Variants in SLC38A1 observed in about 807,000 individuals in gnomAD.
The protein encoded by SLC38A1 is solute carrier family 38 member 1, also known as sodium-coupled neutral amino acid symporter 1.
A neutral mutation model predicts 60.3 loss-of-function variants in SLC38A1; 18 were observed. The ratio of observed to expected loss-of-function variants is 0.30; its 90% CI spans 0.21 to 0.44. SLC38A1 has a LOEUF of 0.44. Among genes scored for constraint, SLC38A1 ranks in the 20% least tolerant of loss-of-function variants. The probability of loss-of-function intolerance (pLI) is 1.00; values close to 1 mark genes in which losing one functional copy is unlikely to be tolerated. For missense variants in SLC38A1, 448 were observed against 587.2 expected (o/e 0.76, Z 2.45); for synonymous variants, 196 against 212.1 (o/e 0.92, Z 0.66).
At chr12:46,204,508 C>T in intron 10 of SLC38A1, 24 bp downstream of exon 10, 1 of 1,611,894 alleles carries the variant, frequency 6.2e-7, no homozygotes, top group Non-Finnish European at 8.5e-7. Context: ...CAAAACCAAA[C>T]CAACCATTGC....
chr12:46,207,817 G>A (rs1939977104), intron 6 of SLC38A1, among the ~76,000 whole-genome samples, 196 bp from the exon 7 acceptor site: 1 of 152,164 alleles, frequency 6.6e-6, no homozygotes, highest in Non-Finnish European at 1.5e-5. Context: ...TAAAATGTGA[G>A]ATGCAACCAT....
chr12:46,260,588 T>C (rs1207434267), intron 1 of SLC38A1, among the ~76,000 whole-genome samples: 1 of 152,198 alleles, frequency 6.6e-6, no homozygotes, highest in Non-Finnish European at 1.5e-5. Flanking sequence ...GACTGCTCCA[T>C]TAGGATGTTT....
chr12:46,230,276 G>A (rs1941023754), intron 3 of SLC38A1, among the ~76,000 whole-genome samples: 3 of 152,314 alleles, frequency 2.0e-5, no homozygotes, highest in African/African-American at 4.8e-5. Flanking sequence ...AGACACGGGG[G>A]TAGGTAATAA....
chr12:46,252,768 A>G lies in SLC38A1; in HGVS notation c.-208-9454T>C, dbSNP rs191936863. 1.9e-4 allele frequency among the ~76,000 whole-genome samples: 29 copies of G among 152,158 alleles called. 1 individual carries two copies. The South Asian group carries it at 4.4e-3, about 23-fold the overall frequency. Reference sequence around the variant, plus strand: ...ATGTTCTTTCTATGTTCGTTGCAGCATTATTCACAATAGCCAAGATATGGA... The same window carrying G: ...ATGTTCTTTCTATGTTCGTTGCAGCGTTATTCACAATAGCCAAGATATGGA... On this transcript the variant is annotated intron_variant, in intron 1 of 16. Transcript: ENST00000398637.
intron 1 of SLC38A1, among the ~76,000 whole-genome samples, chr12:46,247,282 C>A (rs1191375966): frequency 6.6e-6 from 1 of 152,046 alleles, no homozygotes; most frequent in Non-Finnish European, 1.5e-5. Flanking sequence ...AGCTAAAAAC[C>A]TTGAAAAAAC....
chr12:46,239,880 G>A lies in SLC38A1; in HGVS notation c.-80C>T. On this transcript the variant is annotated 5_prime_UTR_variant, in exon 3 of 17. Transcript: ENST00000398637. ...GTATTTAGAAGTAGATACCAAAATG[G>A]AAGCTTGACACCCCTAAAATATAGC... 7.1e-7 allele frequency: 1 copy of A among 1,408,268 alleles called. No individual in the cohort carries two copies. Among genetic ancestry groups the A allele is most frequent in the Non-Finnish European group, 9.9e-7 (1 of 1,011,674 alleles). 87.2% of individuals were successfully genotyped at this position (1,408,268 alleles called of 1,614,324 possible).
At chr12:46,251,402 G>A (rs1941833640) in intron 1 of SLC38A1, among the ~76,000 whole-genome samples, 1 of 152,090 alleles carries the variant, frequency 6.6e-6, no homozygotes. Flanking sequence ...CTAGAAGAAA[G>A]CCTAGGTAAT....
At chr12:46,204,620 TCATTTTTTTC>T (rs1939811661) in intron 9 of SLC38A1, 30 bp from the exon 10 acceptor site, 1 of 1,550,890 alleles carries the variant, frequency 6.4e-7, no homozygotes, top group African/African-American at 1.4e-5. Flanking sequence ...ATAAATTATT[TCATTTTTTTC>T]CATTTTTAAA....
chr12:46,205,504 C>T (rs1418783596), intron 9 of SLC38A1, among the ~76,000 whole-genome samples: 1 of 152,084 alleles, frequency 6.6e-6, no homozygotes, highest in Non-Finnish European at 1.5e-5. Context: ...GTATGAAATT[C>T]CCTTAACATC....
intron 13 of SLC38A1, among the ~76,000 whole-genome samples, chr12:46,198,960 G>A (rs898202295): frequency 6.6e-6 from 1 of 152,184 alleles, no homozygotes; most frequent in African/African-American, 2.4e-5. Flanking sequence ...AGTAATCACT[G>A]GAAGAAGCTA....
At chr12:46,215,250 C>T (rs1940353705) in intron 5 of SLC38A1, among the ~76,000 whole-genome samples, 1 of 152,208 alleles carries the variant, frequency 6.6e-6, no homozygotes, top group South Asian at 2.1e-4. Context: ...GCCAACACTG[C>T]AGCTCAGTTA....
At chr12:46,224,295 G>A (rs942962702) in intron 5 of SLC38A1, among the ~76,000 whole-genome samples, 3 of 152,006 alleles carry the variant, frequency 2.0e-5, no homozygotes, top group Non-Finnish European at 4.4e-5. Flanking sequence ...ATGATAAATC[G>A]AGAGTGCCCA....
In SLC38A1 at chr12:46,188,985, A is replaced by T. The variant is rs749100338; in HGVS notation, c.1449T>A (p.Ser483Arg). 4 of 1,613,464 alleles carry T rather than the reference A, an allele frequency of 2.5e-6. No homozygotes were observed. In the South Asian group the frequency reaches 4.4e-5, roughly 18 times the overall value. ...TCGGCGGGTTTCAGTGGCCTTCGTC[A>T]CTACTCGATGAGCAGGCCCAGTCAT... Reference protein sequence around the residue: ...VIYDWACSSSSDEGH With the variant: ...VIYDWACSSSRDEGH The change falls in exon 17 of 17, where the codon AGT (serine) becomes AGA (arginine). Residue 483 changes from serine (S) to arginine (R), a missense_variant. Physicochemically the swap from Ser to Arg is moderately radical, Grantham distance 110 (BLOSUM62 -1). Coordinates refer to ENST00000398637, the MANE Select transcript of SLC38A1 (RefSeq NM_030674.4).
intron 6 of SLC38A1, among the ~76,000 whole-genome samples, chr12:46,208,607 C>G (rs546382090): frequency 6.6e-6 from 1 of 152,302 alleles, no homozygotes; most frequent in South Asian, 2.1e-4. Flanking sequence ...TACTTGAAGT[C>G]TCTTCATAGC....
chr12:46,219,709 T>A (rs115711297), intron 5 of SLC38A1, among the ~76,000 whole-genome samples: 27,092 of 152,080 alleles, frequency 0.18, 4,068 homozygotes, highest in East Asian at 0.45. Context: ...CTGTGATAAC[T>A]CCAACCTGGC....
chr12:46,228,987 C>A (rs1004127290), intron 5 of SLC38A1, among the ~76,000 whole-genome samples, 166 bp downstream of exon 5: 4 of 152,194 alleles, frequency 2.6e-5, no homozygotes, highest in Non-Finnish European at 5.9e-5. Flanking sequence ...GCATTAGGTA[C>A]AGTTTGGAAA....
intron 11 of SLC38A1, among the ~76,000 whole-genome samples, chr12:46,204,070 A>G (rs1939780971): frequency 6.6e-6 from 1 of 152,224 alleles, no homozygotes; most frequent in South Asian, 2.1e-4. Context: ...AAGCTGAGAC[A>G]ATTATCCAGA....
In SLC38A1 at chr12:46,207,255, A is replaced by T. The variant is rs772965181; in HGVS notation, c.482-19T>A. Reference sequence around the variant, plus strand: ...AGCATTGCTGAAGGAAAATGAGAACATTTTTAGAAAGAAGATACGAAGGCT... The same window carrying T: ...AGCATTGCTGAAGGAAAATGAGAACTTTTTTAGAAAGAAGATACGAAGGCT... On this transcript the variant is annotated intron_variant, in intron 7 of 16. Coordinates refer to ENST00000398637, the MANE Select transcript of SLC38A1 (RefSeq NM_030674.4). 6.3e-7 allele frequency: 1 copy of T among 1,595,536 alleles called. No homozygotes were observed. The highest frequency in any genetic ancestry group is 8.6e-7 in the Non-Finnish European group (1 of 1,166,026).
At position 46,207,214 on chromosome 12, in the gene SLC38A1, G is replaced by T; in HGVS notation, c.504C>A (p.Ile168=). 4 of 1,612,816 alleles carry T rather than the reference G, an allele frequency of 2.5e-6. No homozygotes were observed. Among genetic ancestry groups the T allele is most frequent in the Non-Finnish European group, 3.4e-6 (4 of 1,179,328 alleles). ...NTGAMLSYLF[I]VKNELPSAIK... The stretch of plus-strand genomic sequence containing the variant: ...TGGCAGAGGGTAGTTCATTTTTTAC[G>T]ATGAAGAGGTAGCTCAGCATTGCTG... Residue 168 remains isoleucine, a synonymous_variant, in exon 8 of 17, where the codon ATC becomes ATA. Transcript: ENST00000398637.
Sources: allele counts gnomAD v4.1 joint callset (sites outside exome capture counted in the v4.1 genomes callset), GRCh38; gene constraint gnomAD v4.1.1; transcripts MANE v1.5; gene names NCBI Gene and HGNC (gene_info 2026-07-23, HGNC 2026-07-21).